PDSS1: variants seen among roughly 807,000 people sequenced by gnomAD.
The protein encoded by PDSS1 is all trans-polyprenyl-diphosphate synthase PDSS1.
Under a neutral mutation model 57.5 loss-of-function variants are expected in PDSS1, and 43 were observed. That is an observed-to-expected ratio of 0.75 (90% CI 0.59 to 0.96). The LOEUF (loss-of-function observed/expected upper bound fraction) is 0.96, where lower values mean the gene tolerates loss of function less well. Among genes scored for constraint, PDSS1 ranks in the 50% least tolerant of loss-of-function variants. The probability of loss-of-function intolerance (pLI) is 0.00; values close to 1 mark genes in which losing one functional copy is unlikely to be tolerated. For missense variants in PDSS1, 438 were observed against 527.8 expected (o/e 0.83, Z 1.67); for synonymous variants, 175 against 191.3 (o/e 0.91, Z 0.70).
chr10:26,717,136 A>G lies in PDSS1; in HGVS notation c.468-3082A>G, dbSNP rs373857674. 1.7e-3 allele frequency among the ~76,000 whole-genome samples: 266 copies of G among 152,342 alleles called. 1 individual carries two copies. The highest frequency in any genetic ancestry group is 6.2e-3 in the African/African-American group (256 of 41,588). On this transcript the variant is annotated intron_variant, in intron 5 of 11. Coordinates refer to ENST00000376215, the MANE Select transcript of PDSS1 (RefSeq NM_014317.5). ...ACATCTGAAATATGATGTATATTCT[A>G]CGTAGAAGCTGTGTTACAGTACCAA...
chr10:26,720,883 T>A (rs1835757864), intron 6 of PDSS1, among the ~76,000 whole-genome samples: 1 of 152,162 alleles, frequency 6.6e-6, no homozygotes, highest in Non-Finnish European at 1.5e-5. Flanking sequence ...GCATTGGGAA[T>A]ATGGGAAACA....
At chr10:26,727,336 CTCTCTT>C (rs755182593) in intron 8 of PDSS1, among the ~76,000 whole-genome samples, 3 of 113,468 alleles carry the variant, frequency 2.6e-5, no homozygotes, top group Non-Finnish European at 3.8e-5. Flanking sequence ...CTCTCTCTCT[CTCTCTT>C]TTTTTTTTTT....
At chr10:26,726,967 C>T (rs1367290023) in intron 8 of PDSS1, among the ~76,000 whole-genome samples, 1 of 151,636 alleles carries the variant, frequency 6.6e-6, no homozygotes, top group Non-Finnish European at 1.5e-5. Flanking sequence ...GAAGCTGAGG[C>T]AGGAGAACCG....
chr10:26,707,974 C>T (rs1835297391), intron 4 of PDSS1, among the ~76,000 whole-genome samples: 1 of 152,248 alleles, frequency 6.6e-6, no homozygotes, highest in African/African-American at 2.4e-5. Context: ...CCAGGCCAGG[C>T]AATTCCATGC....
At chr10:26,740,249 G>T (rs1352360328) in intron 10 of PDSS1, among the ~76,000 whole-genome samples, 1 of 152,142 alleles carries the variant, frequency 6.6e-6, no homozygotes, top group Non-Finnish European at 1.5e-5. Flanking sequence ...GTTTGAGGCT[G>T]CAGTGAGCTA....
chr10:26,731,685 G>A (rs538302000), intron 8 of PDSS1, among the ~76,000 whole-genome samples: 8 of 152,290 alleles, frequency 5.3e-5, no homozygotes, highest in African/African-American at 9.6e-5. Context: ...GCCATTACAC[G>A]CTTGAGTTTT....
At chr10:26,706,970 G>A (rs920231895) in intron 4 of PDSS1, among the ~76,000 whole-genome samples, 5 of 151,328 alleles carry the variant, frequency 3.3e-5, no homozygotes, top group Non-Finnish European at 7.4e-5. Context: ...AGGAAGTAAA[G>A]TACACTTGTA....
Position 26,709,783 on chromosome 10 carries a change from T to C in PDSS1, c.467+15T>C. On this transcript the variant is annotated intron_variant, in intron 5 of 11. Coordinates refer to ENST00000376215, the MANE Select transcript of PDSS1 (RefSeq NM_014317.5). ...AACAACTCCCGGTGAGCTCTTTTTT[T>C]CATTCCTTTCTTGTTTTTATATTTG... 6.2e-7 allele frequency: 1 copy of C among 1,613,020 alleles called. No individual in the cohort carries two copies. Among genetic ancestry groups the C allele is most frequent in the Non-Finnish European group, 8.5e-7 (1 of 1,179,006 alleles).
rs1192672253 is a variant in PDSS1 at position 26,724,021 on chromosome 10, T to C, written c.729T>C (p.Phe243=). The change falls in exon 8 of 12, where the codon TTT becomes TTC. Residue 243 remains phenylalanine, a synonymous_variant. Transcript: ENST00000376215. ...QVIEDLVRGE[F]LQLGSKENEN... ...TCCTTTCCTTCTTTATAGGTGAATT[T>C]CTTCAGCTCGGGTCAAAAGAAAATG... The C allele has an allele frequency of 6.2e-7, 1 of 1,613,404 alleles. No individual in the cohort carries two copies. The highest frequency in any genetic ancestry group is 1.3e-5 in the African/African-American group (1 of 74,904).
chr10:26,739,362 C>T (rs888038453), intron 10 of PDSS1, among the ~76,000 whole-genome samples: 5 of 152,208 alleles, frequency 3.3e-5, no homozygotes, highest in African/African-American at 1.2e-4. Flanking sequence ...AACTGTTCTT[C>T]CTGCTGTGTT....
At chr10:26,714,123 C>T (rs1835483275) in intron 5 of PDSS1, among the ~76,000 whole-genome samples, 1 of 152,118 alleles carries the variant, frequency 6.6e-6, no homozygotes, top group African/African-American at 2.4e-5. Flanking sequence ...CAGAACCTAA[C>T]TTGCAACAGA....
rs562268246 is a variant in PDSS1, at chr10:26,704,827, G to A, written c.227+86G>A. 95 of 745,668 alleles carry A rather than the reference G, an allele frequency of 1.3e-4. No individual in the cohort carries two copies. In the African/African-American group the frequency reaches 1.4e-3, roughly 11 times the overall value. 46.2% of individuals were successfully genotyped at this position (745,668 alleles called of 1,614,324 possible). ...TAAAAAATTTTTTTTGTAGCGATGG[G>A]GAGCTCACTGTGTTGCCCAGGCTGG... On this transcript the variant is annotated intron_variant, in intron 3 of 11. Coordinates refer to ENST00000376215, the MANE Select transcript of PDSS1 (RefSeq NM_014317.5).
chr10:26,707,345 A>G (rs1337596882), intron 4 of PDSS1, among the ~76,000 whole-genome samples: 1 of 152,158 alleles, frequency 6.6e-6, no homozygotes, highest in Non-Finnish European at 1.5e-5. Context: ...GTATCTATTG[A>G]GAGACTGCCG....
intron 1 of PDSS1, among the ~76,000 whole-genome samples, chr10:26,698,751 A>G (rs150388180): frequency 3.1e-4 from 48 of 152,382 alleles, no homozygotes; most frequent in Admixed American, 1.2e-3. Context: ...CTCATCAAAC[A>G]TCATTTCCCA....
At chr10:26,725,302 A>G (rs1371246866) in intron 8 of PDSS1, among the ~76,000 whole-genome samples, 2 of 152,156 alleles carry the variant, frequency 1.3e-5, no homozygotes, top group African/African-American at 4.8e-5. Flanking sequence ...CTCAGATGAA[A>G]AAGTCTCTTG....
At chr10:26,706,858 A>C (rs1835240145) in intron 4 of PDSS1, among the ~76,000 whole-genome samples, 1 of 152,196 alleles carries the variant, frequency 6.6e-6, no homozygotes, top group South Asian at 2.1e-4. Flanking sequence ...TTGCCTCCTC[A>C]GAAGAAAGAA....
rs770518092 is a variant in PDSS1 at position 26,735,236 on chromosome 10, T to C, written c.832-4T>C. The C allele has an allele frequency of 6.2e-7, 1 of 1,609,374 alleles. No homozygotes were observed. The highest frequency in any genetic ancestry group is 8.5e-7 in the Non-Finnish European group (1 of 1,175,766). ...CTTATCTCAGAATGCTCTTTCTGTTTCAGGTCTCTGTTCTAGGATGTCCCG... is the reference window on the plus strand; with the variant it reads ...CTTATCTCAGAATGCTCTTTCTGTTCCAGGTCTCTGTTCTAGGATGTCCCG... On this transcript the variant is annotated splice_polypyrimidine_tract_variant and splice_region_variant and intron_variant, in intron 8 of 11. Coordinates refer to ENST00000376215, the MANE Select transcript of PDSS1 (RefSeq NM_014317.5).
chr10:26,727,128 T>C (rs1218147924), intron 8 of PDSS1, among the ~76,000 whole-genome samples: 1 of 152,088 alleles, frequency 6.6e-6, no homozygotes, highest in Non-Finnish European at 1.5e-5. Context: ...ACATACTTAC[T>C]CACTTGCAAA....
intron 4 of PDSS1, among the ~76,000 whole-genome samples, chr10:26,708,751 T>G (rs1184425346): frequency 6.6e-6 from 1 of 152,078 alleles, no homozygotes; most frequent in African/African-American, 2.4e-5. Flanking sequence ...CCCTGGGAGT[T>G]TGAGGCTGCA....
Sources: gnomAD v4.1 joint callset for allele counts (sites outside exome capture counted in the v4.1 genomes callset) on GRCh38, gnomAD v4.1.1 for gene constraint, MANE v1.5 for transcripts, NCBI Gene and HGNC (gene_info 2026-07-23, HGNC 2026-07-21) for gene names.